The following DTWD1 variants were observed in gnomAD, a reference collection of about 807,000 sequenced individuals.
DTWD1 encodes DTW motif tRNA-uridine aminocarboxypropyltransferase 1.
DTWD1 carries 27 observed loss-of-function variants against 30.2 expected under a neutral mutation model. The observed-to-expected ratio is 0.90, with a 90% CI of 0.66 to 1.23. The LOEUF is 1.23. Among genes scored for constraint, DTWD1 ranks in the 50% most tolerant of loss-of-function variants. The pLI, the probability that DTWD1 is intolerant of heterozygous loss-of-function variation, is 0.00. For missense variants in DTWD1, 342 were observed against 348.8 expected (o/e 0.98, Z 0.15); for synonymous variants, 99 against 113.1 (o/e 0.88, Z 0.79).
intron 2 of DTWD1, among the ~76,000 whole-genome samples, chr15:49,629,177 A>C (rs140894672): frequency 6.6e-6 from 1 of 152,326 alleles, no homozygotes; most frequent in Non-Finnish European, 1.5e-5. Context: ...AACATGTGTG[A>C]ACTAGAACAC....
intron 2 of DTWD1, 27 bp downstream of exon 2, chr15:49,625,458 A>T: frequency 6.3e-7 from 1 of 1,588,316 alleles, no homozygotes; most frequent in South Asian, 1.1e-5. Context: ...ATTGTTTGAA[A>T]GTATGAAAAT....
intron 3 of DTWD1, 24 bp downstream of exon 3, chr15:49,632,326 T>C: frequency 6.4e-7 from 1 of 1,565,182 alleles, no homozygotes. Context: ...TTTTTATAAC[T>C]CTTCACATTG....
At position 49,643,400 on chromosome 15, in the gene DTWD1, C is replaced by CT. The variant is rs1468790804; in HGVS notation, c.740dup (p.Leu248ProfsTer5). ...CGCCATCAAAAAGGAAAGCCAGATA[C>CT]TTTCCTTTCTACAATTGAAGCCATT... On this transcript the variant is annotated frameshift_variant, in exon 5 of 5. Transcript: ENST00000403028. LOFTEE classifies it high-confidence loss of function. 16 of 1,555,080 alleles carry CT rather than the reference C, an allele frequency of 1.0e-5. No homozygotes were observed. The highest frequency in any genetic ancestry group is 1.4e-5 in the Non-Finnish European group (16 of 1,150,202).
At chr15:49,636,321 TAAA>T (rs879364735) in intron 4 of DTWD1, among the ~76,000 whole-genome samples, 8 of 129,716 alleles carry the variant, frequency 6.2e-5, no homozygotes, top group Admixed American at 1.6e-4. Context: ...GACACTTGTG[TAAA>T]AAAAAAAAAA....
chr15:49,633,950 A>T (rs903431215), intron 3 of DTWD1, among the ~76,000 whole-genome samples: 1 of 152,208 alleles, frequency 6.6e-6, no homozygotes, highest in Non-Finnish European at 1.5e-5. Context: ...TGTAATAAAT[A>T]TACTTAGATA....
Position 49,654,966 on chromosome 15 carries a change from A to C in DTWD1, c.*11388A>C, listed in dbSNP as rs577800602. Reference sequence around the variant, plus strand: ...CCTGCTATATCCTCACATGATGCAGAGAGAGAGAACTCTGGTATCTTTGTC... The same window carrying C: ...CCTGCTATATCCTCACATGATGCAGCGAGAGAGAACTCTGGTATCTTTGTC... On this transcript the variant is annotated 3_prime_UTR_variant, in exon 5 of 5. Coordinates refer to ENST00000403028, the MANE Select transcript of DTWD1 (RefSeq NM_001144955.2). The C allele has an allele frequency of 6.6e-6, 1 of 152,208 alleles. No individual in the cohort carries two copies. Among genetic ancestry groups the C allele is most frequent in the South Asian group, 2.1e-4 (1 of 4,824 alleles). The allele number at this position is 152,208 out of a possible 1,614,324, so 9.4% of individuals were successfully genotyped here.
At chr15:49,642,329 G>A (rs2079075063) in intron 4 of DTWD1, among the ~76,000 whole-genome samples, 1 of 152,114 alleles carries the variant, frequency 6.6e-6, no homozygotes, top group African/African-American at 2.4e-5. Context: ...AGCATTCTGG[G>A]TTTGTATGAA....
intron 3 of DTWD1, among the ~76,000 whole-genome samples, chr15:49,634,308 A>G (rs1280149607): frequency 6.6e-6 from 1 of 152,128 alleles, no homozygotes. Flanking sequence ...CAGTCAGTGA[A>G]TAACTTATTT....
intron 2 of DTWD1, chr15:49,630,967 G>A (rs183715452): frequency 4.5e-6 from 2 of 446,782 alleles, no homozygotes; most frequent in East Asian, 7.2e-5. Context: ...AGAATCCAAT[G>A]CCTGAAGATC....
Position 49,652,164 on chromosome 15 carries a change from ACT to A in DTWD1, c.*8589_*8590del, listed in dbSNP as rs2079156101. 1 of 152,198 alleles carries A rather than the reference ACT, an allele frequency of 6.6e-6. No homozygotes were observed. Among genetic ancestry groups the A allele is most frequent in the East Asian group, 1.9e-4 (1 of 5,152 alleles). 9.4% of individuals were successfully genotyped at this position (152,198 alleles called of 1,614,324 possible). A position where few individuals can be genotyped will look rare whatever the true frequency, so the allele number is the denominator to read the frequency against. On this transcript the variant is annotated 3_prime_UTR_variant, in exon 5 of 5. Transcript: ENST00000403028. The stretch of plus-strand genomic sequence containing the variant: ...ATATGGTACTTTGCACCTCTTCATA[ACT>A]CTGAACTCTGCAGTGAGAGGTCTTG...
chr15:49,623,591 G>A (rs962476819), intron 1 of DTWD1: 1 of 151,982 alleles, frequency 6.6e-6, no homozygotes, highest in East Asian at 1.9e-4. Flanking sequence ...TCCTTACCTG[G>A]GTCGTAGATG....
At chr15:49,634,438 A>G in intron 3 of DTWD1, 98 bp from the exon 4 acceptor site, 1 of 1,335,636 alleles carries the variant, frequency 7.5e-7, no homozygotes, top group Non-Finnish European at 1.0e-6. Flanking sequence ...TATTTCTCAG[A>G]TATTCAACAT....
chr15:49,623,326 G>C (rs2078793991), intron 1 of DTWD1, among the ~76,000 whole-genome samples: 1 of 152,138 alleles, frequency 6.6e-6, no homozygotes. Flanking sequence ...CAAACCCAAA[G>C]AGAGTTTAGG....
chr15:49,628,267 T>G (rs1281971567), intron 2 of DTWD1, among the ~76,000 whole-genome samples: 1 of 152,156 alleles, frequency 6.6e-6, no homozygotes, highest in Non-Finnish European at 1.5e-5. Flanking sequence ...CTGGAATACC[T>G]CCTTAAGGAC....
Position 49,654,704 on chromosome 15 carries a change from G to C in DTWD1, c.*11126G>C, listed in dbSNP as rs1394369227. The C allele has an allele frequency of 6.6e-6, 1 of 151,726 alleles. No individual in the cohort carries two copies. The highest frequency in any genetic ancestry group is 1.5e-5 in the Non-Finnish European group (1 of 67,960). 9.4% of individuals were successfully genotyped at this position (151,726 alleles called of 1,614,324 possible). The stretch of plus-strand genomic sequence containing the variant: ...AGATTGTGGAACCTGAAAATACAGT[G>C]TAGTAAGAGTGGAGAGAAAGGCCAC... On this transcript the variant is annotated 3_prime_UTR_variant, in exon 5 of 5. Coordinates refer to ENST00000403028, the MANE Select transcript of DTWD1 (RefSeq NM_001144955.2).
intron 4 of DTWD1, among the ~76,000 whole-genome samples, chr15:49,636,514 A>G (rs1377985249): frequency 1.3e-5 from 2 of 152,082 alleles, no homozygotes; most frequent in Non-Finnish European, 2.9e-5. Context: ...TTTCATTATT[A>G]TGTATCTTTA....
intron 2 of DTWD1, among the ~76,000 whole-genome samples, chr15:49,630,356 A>G (rs888237792): frequency 3.9e-5 from 6 of 152,200 alleles, no homozygotes; most frequent in African/African-American, 1.4e-4. Context: ...CTCCAGGGTA[A>G]AATAGTGTGC....
In DTWD1 at chr15:49,634,821, G is replaced by T. The variant is rs771677379; in HGVS notation, c.667+27G>T. ...TAAAAAAAAAATGTTTTTTTGGACT[G>T]CTCCTCCCTCAGACTTATTTTGAAA... On this transcript the variant is annotated intron_variant, in intron 4 of 4. Coordinates refer to ENST00000403028, the MANE Select transcript of DTWD1 (RefSeq NM_001144955.2). 1.1e-5 allele frequency: 17 copies of T among 1,538,838 alleles called. 1 individual carries two copies. The South Asian group carries it at 1.6e-4, about 14-fold the overall frequency.
chr15:49,636,399 A>G (rs1598659634), intron 4 of DTWD1, among the ~76,000 whole-genome samples: 1 of 152,192 alleles, frequency 6.6e-6, no homozygotes, highest in East Asian at 1.9e-4. Context: ...AATGAAAATT[A>G]CATAATATCA....
Sources: allele counts gnomAD v4.1 joint callset (sites outside exome capture counted in the v4.1 genomes callset), GRCh38; gene constraint gnomAD v4.1.1; transcripts MANE v1.5; gene names NCBI Gene and HGNC (gene_info 2026-07-23, HGNC 2026-07-21).